Variants in PAIP2 observed in about 807,000 individuals in gnomAD.
PAIP2 encodes polyadenylate-binding protein-interacting protein 2.
In PAIP2, 7 loss-of-function variants were observed where a neutral mutation model predicts 14.8. The observed-to-expected ratio is 0.47, with a 90% CI of 0.27 to 0.89. The LOEUF (loss-of-function observed/expected upper bound fraction) is 0.89. PAIP2 is among the 40% of genes least tolerant of loss of function. PAIP2 has a pLI of 0.13. For synonymous variants in PAIP2, 47 were observed against 45.3 expected, an observed-to-expected ratio of 1.04 and a Z score of -0.15; for missense variants, 122 against 154.7, an observed-to-expected ratio of 0.79 and a Z score of 1.12.
At chr5:139,346,222 C>T (rs1476497065) in intron 1 of PAIP2, among the ~76,000 whole-genome samples, 3 of 152,072 alleles carry the variant, frequency 2.0e-5, no homozygotes, top group East Asian at 1.9e-4. Context: ...CTTAAGCTGT[C>T]GTCTAGAACA....
At chr5:139,344,101 T>A (rs780495346) in intron 1 of PAIP2, among the ~76,000 whole-genome samples, 16 of 152,198 alleles carry the variant, frequency 1.1e-4, no homozygotes, top group Non-Finnish European at 1.9e-4. Context: ...TTTACAAATA[T>A]TAACTAATTT....
intron 1 of PAIP2, chr5:139,343,077 G>T (rs1295802536): frequency 6.6e-6 from 1 of 152,130 alleles, no homozygotes; most frequent in Admixed American, 6.6e-5. Context: ...TCATTAAGTC[G>T]CTTTTGAAAT....
chr5:139,357,855 T>C (rs1197705592), intron 1 of PAIP2, among the ~76,000 whole-genome samples: 1 of 152,100 alleles, frequency 6.6e-6, no homozygotes, highest in Non-Finnish European at 1.5e-5. Context: ...AATATTGATA[T>C]TGCTACCTCC....
At position 139,368,718 on chromosome 5, in the gene PAIP2, G is replaced by A. The variant is rs777691736; in HGVS notation, c.319-15G>A. ...TGTGTTAATGAACTTGCTTTTTTAT[G>A]TACTTATTTTCCAGGTCAAGAGCAA... On this transcript the variant is annotated splice_polypyrimidine_tract_variant and intron_variant, in intron 3 of 3. Transcript: ENST00000265192. 8.8e-6 allele frequency: 14 copies of A among 1,596,218 alleles called. No homozygotes were observed. In the East Asian group the frequency reaches 1.6e-4, roughly 18 times the overall value.
intron 3 of PAIP2, among the ~76,000 whole-genome samples, chr5:139,366,268 T>G (rs1178248432): frequency 3.5e-5 from 5 of 141,512 alleles, no homozygotes; most frequent in Non-Finnish European, 7.6e-5. Flanking sequence ...AGCACTAGAG[T>G]GAGAACTGGC....
intron 1 of PAIP2, among the ~76,000 whole-genome samples, chr5:139,349,673 T>C (rs1299286933): frequency 6.6e-6 from 1 of 152,214 alleles, no homozygotes; most frequent in Non-Finnish European, 1.5e-5. Context: ...CATGAAATTA[T>C]TATGAAAGAC....
rs1475517541 is a variant in PAIP2, at chr5:139,359,649, G to A, written c.-26-4110G>A. 2.0e-5 allele frequency among the ~76,000 whole-genome samples: 3 copies of A among 151,996 alleles called. No homozygotes were observed. The East Asian group carries it at 5.8e-4, about 30-fold the overall frequency. ...CTAAAATGTAATTATTTAACAGTAA[G>A]CAGTTTGGTAGCCTGCCATATAAGA... On this transcript the variant is annotated intron_variant, in intron 1 of 3. Coordinates refer to ENST00000265192, the MANE Select transcript of PAIP2 (RefSeq NM_016480.5).
At chr5:139,368,275 G>A (rs1168966708) in intron 3 of PAIP2, among the ~76,000 whole-genome samples, 2 of 152,144 alleles carry the variant, frequency 1.3e-5, no homozygotes, top group Non-Finnish European at 2.9e-5. Flanking sequence ...GGGAGGCGGA[G>A]CTTGCAGTGA....
intron 1 of PAIP2, among the ~76,000 whole-genome samples, chr5:139,345,881 C>T (rs1394934281): frequency 6.6e-6 from 1 of 152,088 alleles, no homozygotes; most frequent in Non-Finnish European, 1.5e-5. Flanking sequence ...CCCACCTCGG[C>T]CTCCCAAAGT....
intron 1 of PAIP2, among the ~76,000 whole-genome samples, chr5:139,358,864 G>T (rs1756991819): frequency 1.3e-5 from 2 of 152,218 alleles, no homozygotes; most frequent in Non-Finnish European, 2.9e-5. Context: ...GGGGGGCTTG[G>T]GAAATGGAGA....
chr5:139,352,500 TTG>T (rs1245578676), intron 1 of PAIP2, among the ~76,000 whole-genome samples: 16 of 87,548 alleles, frequency 1.8e-4, no homozygotes, highest in African/African-American at 4.8e-4. Flanking sequence ...TTTTTTTTTG[TTG>T]TTTTTTTTTT....
At chr5:139,360,850 G>A (rs1337659140) in intron 1 of PAIP2, among the ~76,000 whole-genome samples, 1 of 149,866 alleles carries the variant, frequency 6.7e-6, no homozygotes, top group East Asian at 2.0e-4. Flanking sequence ...ATGTGATCTT[G>A]CCTCTCTGCA....
At chr5:139,364,795 T>C in intron 3 of PAIP2, 52 bp downstream of exon 3, 1 of 1,215,292 alleles carries the variant, frequency 8.2e-7, no homozygotes, top group South Asian at 1.3e-5. Context: ...TTTGCATAAG[T>C]GGAAAAGCCA....
intron 1 of PAIP2, among the ~76,000 whole-genome samples, chr5:139,351,563 C>T (rs1756735186): frequency 6.6e-6 from 1 of 152,170 alleles, no homozygotes; most frequent in Non-Finnish European, 1.5e-5. Context: ...AAGCTGTTAA[C>T]ATTGATGAAT....
chr5:139,363,146 C>T (rs191283792), intron 1 of PAIP2, among the ~76,000 whole-genome samples: 142 of 151,926 alleles, frequency 9.3e-4, no homozygotes, highest in Admixed American at 1.8e-3. Flanking sequence ...GAGGCTGAGG[C>T]GGGAGAATCG....
At position 139,364,712 on chromosome 5, in the gene PAIP2, T is replaced by G; in HGVS notation, c.287T>G (p.Ile96Ser). ...CAAGACCAGTTTAATGACCTTGTTATCAGTGATGGCTCTTCTCTGGAAGAT... is the reference window on the plus strand; with the variant it reads ...CAAGACCAGTTTAATGACCTTGTTAGCAGTGATGGCTCTTCTCTGGAAGAT... The part of the protein sequence containing the change: ...QIQDQFNDLV[I>S]SDGSSLEDLV... Residue 96 changes from isoleucine (I) to serine (S), a missense_variant, in exon 3 of 4, where the codon ATC becomes AGC. Around this residue, in one of 3 missense-constraint regions of PAIP2, gnomAD observed 46 missense variants for 44.0 expected, o/e 1.05. Transcript: ENST00000265192. 1 of 1,611,982 alleles carries G rather than the reference T, an allele frequency of 6.2e-7. No homozygotes were observed. Among genetic ancestry groups the G allele is most frequent in the South Asian group, 1.1e-5 (1 of 90,580 alleles).
At chr5:139,351,834 G>GT (rs1429811944) in intron 1 of PAIP2, among the ~76,000 whole-genome samples, 1 of 151,982 alleles carries the variant, frequency 6.6e-6, no homozygotes, top group Non-Finnish European at 1.5e-5. Flanking sequence ...AATTAAAAAT[G>GT]TTTTTTGTAT....
intron 1 of PAIP2, among the ~76,000 whole-genome samples, chr5:139,351,812 C>G (rs1445001145): frequency 6.6e-6 from 1 of 152,082 alleles, no homozygotes; most frequent in African/African-American, 2.4e-5. Context: ...GTGAACACCA[C>G]CATGCCCAGC....
At chr5:139,342,723 C>T (rs1756420842) in intron 1 of PAIP2, 1 of 152,180 alleles carries the variant, frequency 6.6e-6, no homozygotes, top group Admixed American at 6.5e-5. Flanking sequence ...CCACCATCGC[C>T]ACCAGAAATA....
Sources: allele counts gnomAD v4.1 joint callset (sites outside exome capture counted in the v4.1 genomes callset), GRCh38; gene constraint gnomAD v4.1.1; regional missense constraint gnomAD v4.1.1; transcripts MANE v1.5; gene names NCBI Gene and HGNC (gene_info 2026-07-23, HGNC 2026-07-21).